Variants in LOC128092252 observed in about 807,000 individuals in gnomAD.
the LOC128092252 span, among the ~76,000 whole-genome samples, chr15:50,660,215 G>A: frequency 6.6e-6 from 1 of 152,116 alleles, no homozygotes; most frequent in East Asian, 1.9e-4. Context: ...TGGAAGAGAT[G>A]TTAAGGTTAT....
the LOC128092252 span, among the ~76,000 whole-genome samples, chr15:50,684,199 C>T: frequency 3.3e-5 from 5 of 151,398 alleles, no homozygotes; most frequent in African/African-American, 9.7e-5. Context: ...GTCACCCAGG[C>T]TGTAGTGCAG....
At chr15:50,668,872 GAA>G in the LOC128092252 span, among the ~76,000 whole-genome samples, 44 of 152,170 alleles carry the variant, frequency 2.9e-4, no homozygotes, top group Admixed American at 7.2e-4. Flanking sequence ...CACAATTGGA[GAA>G]ACTGGTTATT....
chr15:50,655,824 T>A, the LOC128092252 span, among the ~76,000 whole-genome samples: 1 of 151,944 alleles, frequency 6.6e-6, no homozygotes, highest in African/African-American at 2.4e-5. Flanking sequence ...ACCCCATCTA[T>A]ACTAAAAGTA....
the LOC128092252 span, among the ~76,000 whole-genome samples, chr15:50,654,221 G>A: frequency 3.5e-3 from 531 of 151,772 alleles, 6 homozygotes; most frequent in African/African-American, 0.012. Context: ...CAAGGCGGGC[G>A]GATCACCTGA....
At chr15:50,663,271 G>C in the LOC128092252 span, among the ~76,000 whole-genome samples, 1 of 152,134 alleles carries the variant, frequency 6.6e-6, no homozygotes, top group Non-Finnish European at 1.5e-5. Flanking sequence ...TGGCAGTACA[G>C]GCATGTGCCA....
At chr15:50,672,335 C>A in the LOC128092252 span, among the ~76,000 whole-genome samples, 1 of 151,802 alleles carries the variant, frequency 6.6e-6, no homozygotes, top group Non-Finnish European at 1.5e-5. Flanking sequence ...GGATTACAGG[C>A]GTGAGCCACC....
At chr15:50,652,904 G>A in the LOC128092252 span, among the ~76,000 whole-genome samples, 6 of 152,198 alleles carry the variant, frequency 3.9e-5, no homozygotes, top group African/African-American at 1.4e-4. Context: ...GCTCGTGCCT[G>A]TAATCCCAGC....
chr15:50,663,909 G>C, the LOC128092252 span, among the ~76,000 whole-genome samples: 1 of 152,096 alleles, frequency 6.6e-6, no homozygotes, highest in Non-Finnish European at 1.5e-5. Flanking sequence ...GATGCAGTCA[G>C]CCATGATCAG....
the LOC128092252 span, among the ~76,000 whole-genome samples, chr15:50,685,746 T>C: frequency 6.6e-6 from 1 of 152,084 alleles, no homozygotes; most frequent in African/African-American, 2.4e-5. Context: ...TATCCAAAAA[T>C]AAAAAGCTCT....
the LOC128092252 span, among the ~76,000 whole-genome samples, chr15:50,653,144 C>T: frequency 6.6e-6 from 1 of 152,056 alleles, no homozygotes. Context: ...ACCCTGTTTC[C>T]CCACTCCCCC....
chr15:50,671,737 G>T, the LOC128092252 span, among the ~76,000 whole-genome samples: 1 of 152,068 alleles, frequency 6.6e-6, no homozygotes, highest in East Asian at 1.9e-4. Flanking sequence ...TTGAGCCCAG[G>T]AGTTTGAGGT....
the LOC128092252 span, chr15:50,663,090 T>G: frequency 1.4e-6 from 2 of 1,423,580 alleles, no homozygotes; most frequent in Non-Finnish European, 2.0e-6. Context: ...GTTAACCCAC[T>G]AAATAAGAAG....
At chr15:50,666,687 A>T in the LOC128092252 span, among the ~76,000 whole-genome samples, 1 of 152,158 alleles carries the variant, frequency 6.6e-6, no homozygotes, top group South Asian at 2.1e-4. Flanking sequence ...CTATAATCGC[A>T]GCTACTTGGA....
the LOC128092252 span, among the ~76,000 whole-genome samples, chr15:50,676,956 A>G: frequency 6.6e-6 from 1 of 152,204 alleles, no homozygotes; most frequent in Non-Finnish European, 1.5e-5. Flanking sequence ...AAAATAACTG[A>G]GCAGATATTC....
At chr15:50,661,311 A>G in the LOC128092252 span, among the ~76,000 whole-genome samples, 1 of 152,196 alleles carries the variant, frequency 6.6e-6, no homozygotes, top group Non-Finnish European at 1.5e-5. Context: ...CTGTAGTATG[A>G]AAAGCAGGTA....
chr15:50,654,741 G>C, the LOC128092252 span, among the ~76,000 whole-genome samples: 1 of 150,834 alleles, frequency 6.6e-6, no homozygotes, highest in Non-Finnish European at 1.5e-5. Flanking sequence ...GCTCACGCCT[G>C]TAATCCCAGC....
chr15:50,668,585 G>A, the LOC128092252 span, among the ~76,000 whole-genome samples: 1 of 152,172 alleles, frequency 6.6e-6, no homozygotes, highest in Non-Finnish European at 1.5e-5. Context: ...TCAGCTTACT[G>A]CTAACTCTGC....
the LOC128092252 span, among the ~76,000 whole-genome samples, chr15:50,656,535 T>A: frequency 6.7e-6 from 1 of 149,972 alleles, no homozygotes; most frequent in Non-Finnish European, 1.5e-5. Flanking sequence ...AGGGTCTCAC[T>A]ATGCTACCCG....
chr15:50,673,503 G>A, the LOC128092252 span, among the ~76,000 whole-genome samples: 3,080 of 152,116 alleles, frequency 0.02, 120 homozygotes, highest in African/African-American at 0.071. Context: ...TCCCACTTAT[G>A]AGTGGGAACA....
Sources: gnomAD v4.1 joint callset for allele counts (sites outside exome capture counted in the v4.1 genomes callset) on GRCh38, gnomAD v4.1.1 for gene constraint, MANE v1.5 for transcripts.